AOAH: variants seen among roughly 807,000 people sequenced by gnomAD.
AOAH encodes acyloxyacyl hydrolase, also known as acyloxyacyl hydrolase (neutrophil).
A neutral mutation model predicts 92.2 loss-of-function variants in AOAH; 64 were observed. The observed-to-expected ratio is 0.69, with a 90% CI of 0.57 to 0.86. The LOEUF is 0.86. AOAH is among the 40% of genes least tolerant of loss of function. The pLI, the probability that AOAH is intolerant of heterozygous loss-of-function variation, is 0.00. For missense variants in AOAH, 656 were observed against 694.6 expected (o/e 0.94, Z 0.62); for synonymous variants, 263 against 254.5 (o/e 1.03, Z -0.32).
intron 19 of AOAH, 152 bp downstream of exon 19, chr7:36,530,266 C>A: frequency 1.7e-6 from 1 of 574,492 alleles, no homozygotes. Context: ...ATCTTTTTTT[C>A]AATACTGAGA....
At chr7:36,674,182 T>C (rs1796103644) in intron 2 of AOAH, among the ~76,000 whole-genome samples, 173 bp from the exon 3 acceptor site, 1 of 152,212 alleles carries the variant, frequency 6.6e-6, no homozygotes, top group South Asian at 2.1e-4. Flanking sequence ...ATATCACTTC[T>C]ATCTCAGGTT....
intron 20 of AOAH, among the ~76,000 whole-genome samples, chr7:36,521,233 C>G (rs1245238799): frequency 6.6e-6 from 1 of 152,192 alleles, no homozygotes; most frequent in Admixed American, 6.5e-5. Context: ...AGCAGAAAGG[C>G]TCTAGTGATG....
At chr7:36,631,955 C>A in intron 6 of AOAH, 81 bp downstream of exon 6, 1 of 1,077,644 alleles carries the variant, frequency 9.3e-7, no homozygotes, top group South Asian at 1.4e-5. Flanking sequence ...GTGTGAAGAT[C>A]ATTTTGGTCA....
chr7:36,700,667 T>G (rs180753221), intron 1 of AOAH, among the ~76,000 whole-genome samples: 36 of 152,220 alleles, frequency 2.4e-4, no homozygotes, highest in Admixed American at 1.2e-3. Flanking sequence ...TGTATTCTGA[T>G]ACAATGATTT....
chr7:36,666,249 G>A (rs12701519), intron 3 of AOAH, among the ~76,000 whole-genome samples: 27,517 of 151,998 alleles, frequency 0.18, 2,878 homozygotes, highest in Non-Finnish European at 0.24. Flanking sequence ...TATTCAGATT[G>A]TCTATTTCTT....
chr7:36,554,846 C>T, intron 13 of AOAH, among the ~76,000 whole-genome samples: 1 of 151,464 alleles, frequency 6.6e-6, no homozygotes, highest in Non-Finnish European at 1.5e-5. Flanking sequence ...TATGCTGAAA[C>T]TTTGCTGAAG....
intron 16 of AOAH, 109 bp downstream of exon 16, chr7:36,540,210 G>A (rs1785327265): frequency 9.2e-7 from 1 of 1,090,260 alleles, no homozygotes; most frequent in Non-Finnish European, 1.3e-6. Flanking sequence ...CCTGACCCAT[G>A]TTCCATGATG....
chr7:36,669,112 A>T (rs1562677425), intron 3 of AOAH, among the ~76,000 whole-genome samples: 1 of 152,212 alleles, frequency 6.6e-6, no homozygotes, highest in Non-Finnish European at 1.5e-5. Context: ...TGGCAGAGTA[A>T]CAGAGCCTGT....
At chr7:36,589,930 AT>A (rs925940756) in intron 12 of AOAH, among the ~76,000 whole-genome samples, 2 of 151,642 alleles carry the variant, frequency 1.3e-5, no homozygotes, top group African/African-American at 4.8e-5. Context: ...TTTAATCTTA[AT>A]TTTTTTTACT....
At chr7:36,612,341 T>G (rs974875850) in intron 11 of AOAH, among the ~76,000 whole-genome samples, 2 of 152,208 alleles carry the variant, frequency 1.3e-5, no homozygotes, top group Non-Finnish European at 2.9e-5. Context: ...CTTAACCGAT[T>G]ATCATAAACA....
chr7:36,544,547 G>A (rs1026522259), intron 15 of AOAH, among the ~76,000 whole-genome samples: 2 of 152,160 alleles, frequency 1.3e-5, no homozygotes, highest in Non-Finnish European at 2.9e-5. Context: ...GTGAGAGATC[G>A]AGAGTGCTCA....
intron 12 of AOAH, among the ~76,000 whole-genome samples, chr7:36,590,600 C>T (rs12671815): frequency 0.24 from 36,262 of 152,146 alleles, 5,323 homozygotes; most frequent in African/African-American, 0.41. Flanking sequence ...GGAGCCATTT[C>T]CTCTCCTGAT....
chr7:36,722,078 C>T (rs1413711378), intron 1 of AOAH, among the ~76,000 whole-genome samples: 1 of 152,154 alleles, frequency 6.6e-6, no homozygotes, highest in African/African-American at 2.4e-5. Flanking sequence ...CTGTTTTTGT[C>T]AGTCCCAGAT....
chr7:36,559,649 G>A (rs570263799), intron 13 of AOAH, among the ~76,000 whole-genome samples: 55 of 151,912 alleles, frequency 3.6e-4, no homozygotes, highest in Non-Finnish European at 6.5e-4. Flanking sequence ...CTGGATATTC[G>A]ACCTTGATTG....
chr7:36,708,147 C>CCTCCCTTTGCTCT (rs75256662), intron 1 of AOAH, among the ~76,000 whole-genome samples: 124,029 of 151,524 alleles, frequency 0.82, 51,033 homozygotes, highest in East Asian at 1. Flanking sequence ...ACTTTTTGCT[C>CCTCCCTTTGCTCT]CTCCTCTCCC....
At chr7:36,576,121 C>T (rs1365782397) in intron 13 of AOAH, among the ~76,000 whole-genome samples, 8 of 152,216 alleles carry the variant, frequency 5.3e-5, no homozygotes, top group Non-Finnish European at 1.0e-4. Context: ...TAGACCGCCT[C>T]CAGGTCCAAG....
At chr7:36,517,597 CT>C (rs70977159) in intron 20 of AOAH, among the ~76,000 whole-genome samples, 26,335 of 88,564 alleles carry the variant, frequency 0.3, 1,776 homozygotes, top group Middle Eastern at 0.4. Flanking sequence ...GACTTTATAT[CT>C]TTTTTTTTTT....
intron 10 of AOAH, among the ~76,000 whole-genome samples, chr7:36,617,933 T>C (rs1792015968): frequency 6.6e-6 from 1 of 152,216 alleles, no homozygotes; most frequent in Admixed American, 6.5e-5. Flanking sequence ...GACCTTGTAG[T>C]GTAATTAGAG....
rs869031342 is a variant in AOAH at position 36,516,443 on chromosome 7, C to CCA, written c.1600-3065_1600-3064dup. 3.9e-4 allele frequency among the ~76,000 whole-genome samples: 44 copies of CCA among 111,720 alleles called. 4 individuals are homozygous for CCA. Among genetic ancestry groups the CCA allele is most frequent in the African/African-American group, 1.2e-3 (37 of 32,026 alleles). 73.3% of individuals were successfully genotyped at this position (111,720 alleles called of 152,430 possible). ...CACAGAAAGCACGCAGATACCCCCC[C>CCA]CACACACACAGAAAGTGCACGGATA... On this transcript the variant is annotated intron_variant, in intron 20 of 20. Transcript: ENST00000617537. This position sits in a 1 kb window ranked among gnomAD's most constrained non-coding sequence, Gnocchi z 5.0.
Sources: gnomAD v4.1 joint callset for allele counts (sites outside exome capture counted in the v4.1 genomes callset) on GRCh38, gnomAD v4.1.1 for gene constraint, Gnocchi (gnomAD v3.1) non-coding constraint, MANE v1.5 for transcripts, NCBI Gene and HGNC (gene_info 2026-07-23, HGNC 2026-07-21) for gene names.